The following SCN7A variants were observed in gnomAD, a reference collection of about 807,000 sequenced individuals.
SCN7A encodes sodium voltage-gated channel alpha subunit 7.
SCN7A carries 138 observed loss-of-function variants against 155.2 expected under a neutral mutation model. The ratio of observed to expected loss-of-function variants is 0.89; its 90% CI spans 0.77 to 1.02. The LOEUF (loss-of-function observed/expected upper bound fraction) is 1.02, where lower values mean the gene tolerates loss of function less well. SCN7A is among the 50% of genes least tolerant of loss of function. SCN7A has a pLI of 0.00. For missense variants in SCN7A, 2,058 were observed against 1,986.6 expected (o/e 1.04, Z -0.68); for synonymous variants, 693 against 649.0 (o/e 1.07, Z -1.03).
At chr2:166,483,540 C>T (rs559764335) in intron 2 of SCN7A, among the ~76,000 whole-genome samples, 318 of 151,932 alleles carry the variant, frequency 2.1e-3, no homozygotes, top group African/African-American at 7.4e-3. Flanking sequence ...GCTCCATGCA[C>T]TACTTGCATT....
At chr2:166,480,637 G>A (rs1334611534) in intron 2 of SCN7A, among the ~76,000 whole-genome samples, 1 of 152,154 alleles carries the variant, frequency 6.6e-6, no homozygotes, top group African/African-American at 2.4e-5. Flanking sequence ...ACTGCTGAAT[G>A]ATCCTGTTAT....
intron 18 of SCN7A, 24 bp from the exon 19 acceptor site, chr2:166,423,456 A>G: frequency 1.3e-6 from 2 of 1,498,746 alleles, no homozygotes; most frequent in Non-Finnish European, 1.8e-6. Flanking sequence ...TAAAAAAATA[A>G]GGATTAGGTG....
chr2:166,481,548 A>T (rs1702927494), intron 2 of SCN7A, among the ~76,000 whole-genome samples: 2 of 152,160 alleles, frequency 1.3e-5, no homozygotes, highest in Non-Finnish European at 2.9e-5. Flanking sequence ...CTTAATAGTA[A>T]CTGCAATACA....
At position 166,443,533 on chromosome 2, in the gene SCN7A, T is replaced by C; in HGVS notation, c.1770A>G (p.Ala590=). The change falls in exon 14 of 26, where the codon GCA becomes GCG. Residue 590 remains alanine (A), a synonymous_variant. Coordinates refer to ENST00000643258, the MANE Select transcript of SCN7A (RefSeq NM_002976.4). ...GLIELCLANV[A]GMALLRLFRM... ...TGAATAATCGAAGAAGAGCCATTCC[T>C]GCAACATTTGCTAGACAAAGTTCTA... The C allele has an allele frequency of 1.3e-6, 2 of 1,595,560 alleles. No homozygotes were observed. Among genetic ancestry groups the C allele is most frequent in the Non-Finnish European group, 1.7e-6 (2 of 1,171,424 alleles).
At chr2:166,463,220 A>G (rs778859695) in intron 9 of SCN7A, among the ~76,000 whole-genome samples, 18 of 152,068 alleles carry the variant, frequency 1.2e-4, no homozygotes, top group Non-Finnish European at 1.9e-4. Context: ...TATTTATTTT[A>G]TTTCCTTTTA....
At chr2:166,471,037 T>C (rs1389150008) in intron 6 of SCN7A, among the ~76,000 whole-genome samples, 1 of 151,856 alleles carries the variant, frequency 6.6e-6, no homozygotes, top group Non-Finnish European at 1.5e-5. Context: ...AATGAATATC[T>C]AGTGTTTTAA....
At chr2:166,478,293 G>A (rs1029524207) in intron 2 of SCN7A, among the ~76,000 whole-genome samples, 3 of 149,174 alleles carry the variant, frequency 2.0e-5, no homozygotes, top group Admixed American at 1.3e-4. Flanking sequence ...AGAACTTAAA[G>A]TATAATAAAA....
chr2:166,443,633 A>G lies in SCN7A; in HGVS notation c.1670T>C (p.Ile557Thr). The G allele has an allele frequency of 6.4e-7, 1 of 1,560,978 alleles. No individual in the cohort carries two copies. Among genetic ancestry groups the G allele is most frequent in the Non-Finnish European group, 8.7e-7 (1 of 1,152,084 alleles). Reference protein sequence around the residue: ...IFTAEMIFKIIAMHPYGYFQV... With the variant: ...IFTAEMIFKITAMHPYGYFQV... ...GAAATACCCATATGGATGCATTGCA[A>G]TTATTTTAAAAATCATTTCTGCTGT... Residue 557 changes from isoleucine (I) to threonine (T), a missense_variant, in exon 14 of 26, where the codon ATT becomes ACT. Ile to Thr is a moderately conservative substitution (Grantham distance 89). Transcript: ENST00000643258.
chr2:166,418,283 G>GCTTTTTTTTTTT (rs1553514504), intron 20 of SCN7A, among the ~76,000 whole-genome samples: 1,728 of 119,836 alleles, frequency 0.014, 95 homozygotes, highest in African/African-American at 0.059. Flanking sequence ...ACCCCGCCAG[G>GCTTTTTTTTTTT]CTTTTTTTTT....
Position 166,432,703 on chromosome 2 carries a change from T to A in SCN7A, c.2207A>T (p.Asp736Val). The A allele has an allele frequency of 6.3e-7, 1 of 1,586,366 alleles. No homozygotes were observed. The change falls in exon 16 of 26, where the codon GAT (aspartate) becomes GTT (valine). Residue 736 changes from aspartate (D) to valine (V), a missense_variant. By Grantham distance (152) the Asp-to-Val change is radical (BLOSUM62 -3). Coordinates refer to ENST00000643258, the MANE Select transcript of SCN7A (RefSeq NM_002976.4). Reference sequence around the variant, plus strand: ...TTCATTATTCTCTTCAGCTGTTACATCCTTGCATGAACTAAATGAGCTCAC... The same window carrying A: ...TTCATTATTCTCTTCAGCTGTTACAACCTTGCATGAACTAAATGAGCTCAC... ...ALVSSFSSCK[D>V]VTAEENNEAK...
At chr2:166,461,015 T>C (rs1019811918) in intron 10 of SCN7A, among the ~76,000 whole-genome samples, 7 of 149,940 alleles carry the variant, frequency 4.7e-5, no homozygotes, top group Non-Finnish European at 8.9e-5. Flanking sequence ...TACAAAAATA[T>C]AGTTTGTGTA....
intron 7 of SCN7A, among the ~76,000 whole-genome samples, chr2:166,470,275 G>A (rs770699060): frequency 6.6e-6 from 1 of 151,742 alleles, no homozygotes; most frequent in Non-Finnish European, 1.5e-5. Context: ...AAAGAAAGAG[G>A]CAGATTAGAC....
At chr2:166,487,749 A>G (rs1316877100) in intron 1 of SCN7A, among the ~76,000 whole-genome samples, 1 of 152,230 alleles carries the variant, frequency 6.6e-6, no homozygotes, top group Non-Finnish European at 1.5e-5. Flanking sequence ...ACATTCAAGA[A>G]TGTAGACCAT....
chr2:166,454,385 T>C (rs550451576), intron 11 of SCN7A, among the ~76,000 whole-genome samples: 1 of 152,336 alleles, frequency 6.6e-6, no homozygotes, highest in East Asian at 1.9e-4. Context: ...TGTTCAATGG[T>C]ATGCATGTTA....
intron 12 of SCN7A, among the ~76,000 whole-genome samples, chr2:166,446,225 T>C (rs937513862): frequency 6.6e-6 from 1 of 152,226 alleles, no homozygotes; most frequent in South Asian, 2.1e-4. Flanking sequence ...GAACAGATAC[T>C]TCCCAAAAGA....
Position 166,405,918 on chromosome 2 carries a change from T to C in SCN7A, c.4711A>G (p.Arg1571Gly). The change falls in exon 26 of 26, where the codon AGA becomes GGA. Residue 1571 changes from arginine (R) to glycine (G), a missense_variant. Coordinates refer to ENST00000643258, the MANE Select transcript of SCN7A (RefSeq NM_002976.4). ...AGTAAGATATCGAGGCAATGAATTC[T>C]GTCCCCAACAGCCATGGGGAGGTCC... ...ALDLPMAVGD[R>G]IHCLDILLAF... 1.9e-6 allele frequency: 3 copies of C among 1,613,154 alleles called. No homozygotes were observed. Among genetic ancestry groups the C allele is most frequent in the Non-Finnish European group, 2.5e-6 (3 of 1,179,384 alleles).
At chr2:166,409,386 A>C (rs1260070461) in intron 25 of SCN7A, among the ~76,000 whole-genome samples, 1 of 151,986 alleles carries the variant, frequency 6.6e-6, no homozygotes, top group Non-Finnish European at 1.5e-5. Flanking sequence ...TTATAGAATG[A>C]AGGGTTGACT....
intron 7 of SCN7A, among the ~76,000 whole-genome samples, chr2:166,466,653 C>T (rs2105487713): frequency 1.3e-5 from 2 of 151,866 alleles, no homozygotes; most frequent in Admixed American, 1.3e-4. Flanking sequence ...TGTATATAAA[C>T]TTTCTTTCTT....
intron 6 of SCN7A, 76 bp from the exon 7 acceptor site, chr2:166,470,782 G>T: frequency 7.7e-7 from 1 of 1,304,816 alleles, no homozygotes; most frequent in Non-Finnish European, 1.0e-6. Context: ...TATGGTTATT[G>T]AAACTTATTT....
Sources: gnomAD v4.1 joint callset for allele counts (sites outside exome capture counted in the v4.1 genomes callset) on GRCh38, gnomAD v4.1.1 for gene constraint, MANE v1.5 for transcripts, NCBI Gene and HGNC (gene_info 2026-07-23, HGNC 2026-07-21) for gene names.